The following ULK4 variants were observed in gnomAD, a reference collection of about 807,000 sequenced individuals.
ULK4 encodes the protein unc-51 like kinase 4, also known as inactive serine/threonine-protein kinase ULK4.
In ULK4, 133 loss-of-function variants were observed where a neutral mutation model predicts 160.6. The observed-to-expected ratio is 0.83, with a 90% CI of 0.72 to 0.96. The LOEUF (loss-of-function observed/expected upper bound fraction) is 0.96, where lower values mean the gene tolerates loss of function less well. ULK4 is among the 40% of genes least tolerant of loss of function. The pLI, the probability that ULK4 is intolerant of heterozygous loss-of-function variation, is 0.00. For missense variants in ULK4, 1,580 were observed against 1,499.5 expected (o/e 1.05, Z -0.89); for synonymous variants, 534 against 539.8 (o/e 0.99, Z 0.15).
intron 5 of ULK4, among the ~76,000 whole-genome samples, chr3:41,926,783 A>G (rs1290030124): frequency 6.6e-6 from 1 of 152,166 alleles, no homozygotes; most frequent in East Asian, 1.9e-4. Flanking sequence ...AATAAAGCGA[A>G]AAGACAAGGT....
At chr3:41,466,038 T>C (rs1274132911) in intron 32 of ULK4, among the ~76,000 whole-genome samples, 1 of 152,182 alleles carries the variant, frequency 6.6e-6, no homozygotes, top group Non-Finnish European at 1.5e-5. Flanking sequence ...TTTTAAATAA[T>C]ATATATTATG....
chr3:41,295,133 A>G (rs1488437291), intron 35 of ULK4, among the ~76,000 whole-genome samples: 1 of 152,258 alleles, frequency 6.6e-6, no homozygotes, highest in African/African-American at 2.4e-5. Flanking sequence ...GAGAGCCCAG[A>G]AACAGACCCA....
At chr3:41,463,855 G>T (rs948814318) in intron 32 of ULK4, among the ~76,000 whole-genome samples, 3 of 152,026 alleles carry the variant, frequency 2.0e-5, no homozygotes, top group Non-Finnish European at 4.4e-5. Flanking sequence ...GGGTGTTATT[G>T]TTTACATTAA....
At chr3:41,429,045 T>A (rs2082842992) in intron 34 of ULK4, among the ~76,000 whole-genome samples, 1 of 151,230 alleles carries the variant, frequency 6.6e-6, no homozygotes, top group Non-Finnish European at 1.5e-5. Flanking sequence ...TACAACGAAC[T>A]TAAATTTACA....
At chr3:41,795,289 T>A (rs989020063) in intron 20 of ULK4, among the ~76,000 whole-genome samples, 1 of 152,180 alleles carries the variant, frequency 6.6e-6, no homozygotes, top group Non-Finnish European at 1.5e-5. Flanking sequence ...GATTATGATG[T>A]TAGAGTAACT....
intron 35 of ULK4, among the ~76,000 whole-genome samples, chr3:41,357,944 TAA>T (rs2081059599): frequency 6.6e-6 from 1 of 152,202 alleles, no homozygotes; most frequent in African/African-American, 2.4e-5. Context: ...GCCTCATGTA[TAA>T]AAAGAGAAAA....
intron 32 of ULK4, among the ~76,000 whole-genome samples, chr3:41,483,714 A>G (rs1204499193): frequency 2.0e-5 from 3 of 152,190 alleles, no homozygotes; most frequent in Non-Finnish European, 4.4e-5. Context: ...ATGATCTTAC[A>G]TGGGAAAAGG....
intron 25 of ULK4, among the ~76,000 whole-genome samples, chr3:41,708,152 C>A (rs2036969166): frequency 6.8e-6 from 1 of 146,388 alleles, no homozygotes; most frequent in African/African-American, 2.7e-5. Context: ...ATTAAGCAAT[C>A]CAACTACTGA....
At chr3:41,608,562 T>C (rs1232199709) in intron 31 of ULK4, among the ~76,000 whole-genome samples, 1 of 152,238 alleles carries the variant, frequency 6.6e-6, no homozygotes, top group Non-Finnish European at 1.5e-5. Context: ...GCATTTACAA[T>C]CAGTCATTTT....
At chr3:41,921,407 C>T (rs1279709919) in intron 5 of ULK4, among the ~76,000 whole-genome samples, 3 of 151,800 alleles carry the variant, frequency 2.0e-5, no homozygotes, top group East Asian at 3.9e-4. Flanking sequence ...GTCAGGAGAT[C>T]GAGACCAGCC....
chr3:41,615,814 C>A (rs776847649), intron 30 of ULK4, 97 bp from the exon 31 acceptor site: 11 of 1,053,316 alleles, frequency 1.0e-5, no homozygotes, highest in Non-Finnish European at 1.3e-5. Flanking sequence ...TGTTTTATTG[C>A]TAAAATTCCA....
At chr3:41,430,200 T>C (rs952919568) in intron 34 of ULK4, among the ~76,000 whole-genome samples, 2 of 152,146 alleles carry the variant, frequency 1.3e-5, no homozygotes, top group Non-Finnish European at 2.9e-5. Context: ...TTCCTAACAG[T>C]AGAAACTTAA....
intron 22 of ULK4, among the ~76,000 whole-genome samples, chr3:41,740,215 T>C (rs1490290031): frequency 6.6e-6 from 1 of 151,932 alleles, no homozygotes; most frequent in East Asian, 1.9e-4. Context: ...CCCCACACAG[T>C]TAACCAATTA....
rs747733186 is a variant in ULK4, at chr3:41,254,516, T to C, written c.3679-4942A>G. Among the ~76,000 whole-genome samples, 108 of 152,316 alleles carry C rather than the reference T, an allele frequency of 7.1e-4. 1 individual carries two copies. Among genetic ancestry groups the C allele is most frequent in the Admixed American group, 1.2e-3 (19 of 15,296 alleles). Reference sequence around the variant, plus strand: ...GCAATGCTTAGAGGGAAATCTATAGTACTAAATACTTATTTTAGGAAAGAA... The same window carrying C: ...GCAATGCTTAGAGGGAAATCTATAGCACTAAATACTTATTTTAGGAAAGAA... On this transcript the variant is annotated intron_variant, in intron 35 of 36. Transcript: ENST00000301831.
chr3:41,573,648 G>A (rs1446708718), intron 31 of ULK4, among the ~76,000 whole-genome samples: 3 of 152,082 alleles, frequency 2.0e-5, no homozygotes, highest in South Asian at 2.1e-4. Flanking sequence ...TGTTGGGCAC[G>A]CAGCATCTAC....
At chr3:41,531,804 T>C (rs578018544) in intron 32 of ULK4, among the ~76,000 whole-genome samples, 1 of 152,262 alleles carries the variant, frequency 6.6e-6, no homozygotes, top group East Asian at 1.9e-4. Context: ...TTTGTAACAA[T>C]TAGAATTTTT....
chr3:41,246,772 T>A lies in ULK4; in HGVS notation c.*157A>T. ...GAGTCAGTTTTCTAGGCCCTGGGGT[T>A]AGTGAGCACTTGGGCCACCAGGTTC... On this transcript the variant is annotated 3_prime_UTR_variant, in exon 37 of 37. Coordinates refer to ENST00000301831, the MANE Select transcript of ULK4 (RefSeq NM_017886.4). 1 of 776,352 alleles carries A rather than the reference T, an allele frequency of 1.3e-6. No individual in the cohort carries two copies. The highest frequency in any genetic ancestry group is 2.1e-6 in the Non-Finnish European group (1 of 485,532). The allele number at this position is 776,352 out of a possible 1,614,324, so 48.1% of individuals were successfully genotyped here.
At chr3:41,882,872 T>G (rs113308939) in intron 17 of ULK4, among the ~76,000 whole-genome samples, 2,042 of 152,292 alleles carry the variant, frequency 0.013, 40 homozygotes, top group African/African-American at 0.046. Context: ...CTCATCTTCC[T>G]GGTAATACTG....
intron 14 of ULK4, among the ~76,000 whole-genome samples, chr3:41,897,589 A>G (rs1698205309): frequency 6.6e-6 from 1 of 152,030 alleles, no homozygotes; most frequent in African/African-American, 2.4e-5. Context: ...TAAATAACTC[A>G]AAGAAGAAAA....
Sources: allele counts gnomAD v4.1 joint callset (sites outside exome capture counted in the v4.1 genomes callset), GRCh38; gene constraint gnomAD v4.1.1; transcripts MANE v1.5; gene names NCBI Gene and HGNC (gene_info 2026-07-23, HGNC 2026-07-21).